Variants in RBM46 observed in about 807,000 individuals in gnomAD.
RBM46 encodes probable RNA-binding protein 46.
Under a neutral mutation model 43.3 loss-of-function variants are expected in RBM46, and 12 were observed. That is an observed-to-expected ratio of 0.28 (90% CI 0.18 to 0.45). The LOEUF (loss-of-function observed/expected upper bound fraction) is 0.45. Ranked by LOEUF, RBM46 falls within the 20% of genes least tolerant of loss-of-function variation. The pLI, the probability that RBM46 is intolerant of heterozygous loss-of-function variation, is 1.00. For missense variants in RBM46, 412 were observed against 639.1 expected, an observed-to-expected ratio of 0.64 and a Z score of 3.83; for synonymous variants, 205 against 207.6, an observed-to-expected ratio of 0.99 and a Z score of 0.11.
intron 4 of RBM46, among the ~76,000 whole-genome samples, chr4:154,813,775 C>T (rs1322947680): frequency 1.3e-5 from 2 of 151,966 alleles, no homozygotes; most frequent in African/African-American, 2.4e-5. Flanking sequence ...AGGAAGAAAG[C>T]TTGAAAATTC....
At chr4:154,819,825 G>T (rs1735642695) in intron 4 of RBM46, among the ~76,000 whole-genome samples, 1 of 152,028 alleles carries the variant, frequency 6.6e-6, no homozygotes. Flanking sequence ...GCCCACAGTT[G>T]TACTATATAT....
At chr4:154,788,796 T>C (rs933517999) in intron 1 of RBM46, among the ~76,000 whole-genome samples, 3 of 152,208 alleles carry the variant, frequency 2.0e-5, no homozygotes, top group East Asian at 3.8e-4. Flanking sequence ...TTTCATGTAT[T>C]GATTCTTCCT....
intron 1 of RBM46, among the ~76,000 whole-genome samples, chr4:154,784,886 T>A (rs958564096): frequency 1.3e-5 from 2 of 152,234 alleles, no homozygotes; most frequent in Non-Finnish European, 2.9e-5. Context: ...GATATTTAGG[T>A]AACAGGTTGA....
intron 4 of RBM46, among the ~76,000 whole-genome samples, chr4:154,822,208 A>G (rs569546457): frequency 7.9e-5 from 12 of 151,814 alleles, no homozygotes; most frequent in African/African-American, 2.7e-4. Flanking sequence ...GAAAACAAAC[A>G]TTTCTTTCAC....
Position 154,798,022 on chromosome 4 carries a change from T to G in RBM46, c.363T>G (p.Leu121=). ...AAGCCCAATTAGCCATCAGAATTCT[T>G]AATAATTATGAAATTCGACCAGGGA... ...KEEAQLAIRI[L]NNYEIRPGKF... Residue 121 remains leucine, a synonymous_variant, in exon 3 of 5, where the codon CTT becomes CTG. Transcript: ENST00000281722. 3 of 1,613,686 alleles carry G rather than the reference T, an allele frequency of 1.9e-6. No homozygotes were observed. Among genetic ancestry groups the G allele is most frequent in the Non-Finnish European group, 2.5e-6 (3 of 1,179,898 alleles).
At chr4:154,811,309 A>G (rs1735160241) in intron 4 of RBM46, among the ~76,000 whole-genome samples, 1 of 152,198 alleles carries the variant, frequency 6.6e-6, no homozygotes, top group East Asian at 1.9e-4. Flanking sequence ...TCCTGGGTTC[A>G]CATTCTAGCT....
chr4:154,795,459 T>C (rs997797298), intron 1 of RBM46, among the ~76,000 whole-genome samples: 1 of 152,304 alleles, frequency 6.6e-6, no homozygotes, highest in East Asian at 1.9e-4. Flanking sequence ...CCTTCTAAAG[T>C]ATTTTTATGT....
intron 4 of RBM46, among the ~76,000 whole-genome samples, chr4:154,814,149 A>T (rs1484499760): frequency 6.6e-6 from 1 of 151,974 alleles, no homozygotes; most frequent in East Asian, 1.9e-4. Context: ...TGCATAACTT[A>T]TAGAAAACTA....
intron 1 of RBM46, among the ~76,000 whole-genome samples, chr4:154,792,080 T>C (rs1734121845): frequency 6.6e-6 from 1 of 152,188 alleles, no homozygotes; most frequent in Non-Finnish European, 1.5e-5. Context: ...ATTTTAAATA[T>C]CTAAAATTAG....
rs536745606 is a variant in RBM46, at chr4:154,817,477, T to G, written c.1403-10391T>G. ...CCTCCCGAGTAGCTGGGATTACAGG[T>G]GCGCACACCACACCCAGCTGATTTT... On this transcript the variant is annotated intron_variant, in intron 4 of 4. Coordinates refer to ENST00000281722, the MANE Select transcript of RBM46 (RefSeq NM_144979.5). Among the ~76,000 whole-genome samples the G allele has an allele frequency of 2.0e-5, 3 of 151,522 alleles. 1 individual carries two copies. In the East Asian group the frequency reaches 5.8e-4, roughly 30 times the overall value.
At chr4:154,817,417 C>T (rs1339866758) in intron 4 of RBM46, among the ~76,000 whole-genome samples, 1 of 151,130 alleles carries the variant, frequency 6.6e-6, no homozygotes, top group Non-Finnish European at 1.5e-5. Context: ...ACTGCAACCT[C>T]CGCCTCCTGG....
intron 1 of RBM46, among the ~76,000 whole-genome samples, chr4:154,794,889 CT>C (rs35540820): frequency 0.22 from 32,645 of 146,758 alleles, 4,044 homozygotes; most frequent in Middle Eastern, 0.31. Context: ...TTATTATTTG[CT>C]TTTTTTTTTT....
intron 4 of RBM46, among the ~76,000 whole-genome samples, chr4:154,817,533 T>C (rs1332181391): frequency 6.6e-6 from 1 of 152,052 alleles, no homozygotes; most frequent in Non-Finnish European, 1.5e-5. Flanking sequence ...GATTTCATCA[T>C]GTTGGCCAGG....
chr4:154,801,853 A>G (rs1734654899), intron 4 of RBM46, among the ~76,000 whole-genome samples: 1 of 152,222 alleles, frequency 6.6e-6, no homozygotes, highest in Non-Finnish European at 1.5e-5. Flanking sequence ...ACACCTAATC[A>G]GGTACAATAT....
At chr4:154,815,686 G>C (rs1414244065) in intron 4 of RBM46, among the ~76,000 whole-genome samples, 1 of 151,928 alleles carries the variant, frequency 6.6e-6, no homozygotes, top group South Asian at 2.1e-4. Context: ...TAATATAGAA[G>C]TCCTTTATTG....
At chr4:154,822,993 A>G (rs908344574) in intron 4 of RBM46, among the ~76,000 whole-genome samples, 2 of 151,878 alleles carry the variant, frequency 1.3e-5, no homozygotes, top group African/African-American at 2.4e-5. Context: ...TAGCAGTATT[A>G]TAAATAATAG....
chr4:154,788,092 T>A (rs1448444044), intron 1 of RBM46, among the ~76,000 whole-genome samples: 1 of 152,242 alleles, frequency 6.6e-6, no homozygotes, highest in Non-Finnish European at 1.5e-5. Flanking sequence ...ATTAGCCCTT[T>A]GTCAGATGGT....
chr4:154,783,707 A>G (rs1384776373), intron 1 of RBM46, among the ~76,000 whole-genome samples: 1 of 152,208 alleles, frequency 6.6e-6, no homozygotes, highest in Non-Finnish European at 1.5e-5. Context: ...TATTAGTTAC[A>G]GTTTTTTTAA....
At chr4:154,805,122 C>G (rs913708914) in intron 4 of RBM46, among the ~76,000 whole-genome samples, 2 of 151,986 alleles carry the variant, frequency 1.3e-5, no homozygotes, top group African/African-American at 4.8e-5. Context: ...GCAGGTAGTT[C>G]TGTATATTGT....
Sources: gnomAD v4.1 joint callset for allele counts (sites outside exome capture counted in the v4.1 genomes callset) on GRCh38, gnomAD v4.1.1 for gene constraint, MANE v1.5 for transcripts, NCBI Gene and HGNC (gene_info 2026-07-23, HGNC 2026-07-21) for gene names.